PON2: variants seen among roughly 807,000 people sequenced by gnomAD.
PON2 encodes the protein serum paraoxonase/arylesterase 2.
PON2 carries 27 observed loss-of-function variants against 36.6 expected under a neutral mutation model. The ratio of observed to expected loss-of-function variants is 0.74; its 90% confidence interval spans 0.54 to 1.02. The LOEUF is 1.02. Ranked by LOEUF, PON2 falls within the 50% of genes least tolerant of loss-of-function variation. The pLI is 0.00. For synonymous variants in PON2, 149 were observed against 156.3 expected (o/e 0.95, Z 0.35); for missense variants, 363 against 421.1 (o/e 0.86, Z 1.21).
intron 8 of PON2, 71 bp from the exon 9 acceptor site, chr7:95,405,559 T>G: frequency 1.4e-6 from 2 of 1,437,854 alleles, no homozygotes; most frequent in Non-Finnish European, 2.0e-6. Flanking sequence ...CAATAAGCCC[T>G]GTTTTCCACA....
chr7:95,427,958 ACT>A (rs1789353906), intron 1 of PON2, among the ~76,000 whole-genome samples: 1 of 152,170 alleles, frequency 6.6e-6, no homozygotes, highest in African/African-American at 2.4e-5. Context: ...GAGGAGGAAC[ACT>A]CTTTACTTTT....
intron 4 of PON2, 82 bp downstream of exon 4, chr7:95,412,230 G>C: frequency 6.5e-7 from 1 of 1,544,670 alleles, no homozygotes. Flanking sequence ...TCTCTTCCTA[G>C]AAATATGATC....
At chr7:95,412,828 C>A (rs1404718755) in intron 3 of PON2, 3 of 354,114 alleles carry the variant, frequency 8.5e-6, no homozygotes, top group African/African-American at 2.1e-5. Context: ...GGAACAGTGC[C>A]TGGCATACAG....
chr7:95,415,753 A>G (rs752641975), intron 3 of PON2: 1 of 177,442 alleles, frequency 5.6e-6, no homozygotes, highest in Non-Finnish European at 1.2e-5. Context: ...GGTGTTTGAG[A>G]CCAGCCTGGC....
intron 3 of PON2, among the ~76,000 whole-genome samples, chr7:95,414,747 C>T (rs1216221517): frequency 6.6e-6 from 1 of 152,136 alleles, no homozygotes; most frequent in Non-Finnish European, 1.5e-5. Flanking sequence ...TTTCCTAAGC[C>T]ACACATGTGC....
intron 1 of PON2, among the ~76,000 whole-genome samples, chr7:95,430,114 C>T (rs1789403021): frequency 6.6e-6 from 1 of 152,048 alleles, no homozygotes; most frequent in Non-Finnish European, 1.5e-5. Context: ...TGGATGAAGG[C>T]ATAAAAGTAA....
intron 7 of PON2, among the ~76,000 whole-genome samples, 162 bp downstream of exon 7, chr7:95,406,825 C>G (rs563946433): frequency 2.6e-5 from 4 of 152,110 alleles, no homozygotes; most frequent in African/African-American, 7.2e-5. Context: ...TTCTTGAGAT[C>G]GCTGGAAACA....
intron 1 of PON2, among the ~76,000 whole-genome samples, chr7:95,427,911 A>G (rs895144921): frequency 6.6e-6 from 1 of 152,210 alleles, no homozygotes; most frequent in Non-Finnish European, 1.5e-5. Context: ...AAAAAATACA[A>G]CATAAATGGT....
chr7:95,426,786 G>A (rs1309782203), intron 1 of PON2, among the ~76,000 whole-genome samples: 1 of 152,192 alleles, frequency 6.6e-6, no homozygotes, highest in Non-Finnish European at 1.5e-5. Context: ...TGTACACCAA[G>A]TTTTAGTATC....
chr7:95,432,337 G>A (rs1789462077), intron 1 of PON2, among the ~76,000 whole-genome samples: 1 of 152,156 alleles, frequency 6.6e-6, no homozygotes, highest in Admixed American at 6.5e-5. Flanking sequence ...TTGTGCCTAG[G>A]TGTTTGAGAT....
At chr7:95,406,334 T>A in intron 7 of PON2, 87 bp from the exon 8 acceptor site, 1 of 1,415,208 alleles carries the variant, frequency 7.1e-7, no homozygotes, top group Admixed American at 1.7e-5. Flanking sequence ...TCTATGCATG[T>A]GAGGAAATTA....
At chr7:95,432,026 T>C (rs576584122) in intron 1 of PON2, among the ~76,000 whole-genome samples, 5 of 152,236 alleles carry the variant, frequency 3.3e-5, no homozygotes, top group Admixed American at 1.3e-4. Flanking sequence ...GTCAGCCCAT[T>C]TGGGGCTCCA....
intron 8 of PON2, 121 bp downstream of exon 8, chr7:95,405,998 C>T: frequency 8.4e-7 from 1 of 1,187,320 alleles, no homozygotes; most frequent in Non-Finnish European, 1.2e-6. Context: ...AAAACCACGA[C>T]ATAAGCTTAT....
At position 95,411,796 on chromosome 7, in the gene PON2, A is replaced by G. The variant is rs117636342; in HGVS notation, c.368-17T>C. 123 of 1,612,772 alleles carry G rather than the reference A, an allele frequency of 7.6e-5. No homozygotes were observed. In the East Asian group the frequency reaches 2.7e-3, roughly 36 times the overall value. On this transcript the variant is annotated splice_polypyrimidine_tract_variant and intron_variant, in intron 4 of 8. Transcript: ENST00000222572. Reference sequence around the variant, plus strand: ...CTGTGTCATCTAAAGAATTGAAAGAACAGAGTTAATTTACAAGACATAACT... The same window carrying G: ...CTGTGTCATCTAAAGAATTGAAAGAGCAGAGTTAATTTACAAGACATAACT...
intron 6 of PON2, among the ~76,000 whole-genome samples, chr7:95,409,351 T>G (rs1809801716): frequency 1.3e-5 from 2 of 151,834 alleles, no homozygotes; most frequent in Non-Finnish European, 2.9e-5. Context: ...CCTAGGGACT[T>G]TTTCTTTAAA....
chr7:95,413,957 T>A (rs62469578), intron 3 of PON2, among the ~76,000 whole-genome samples: 7,904 of 152,316 alleles, frequency 0.052, 234 homozygotes, highest in African/African-American at 0.065. Flanking sequence ...ATGATTTACA[T>A]GCAAAGGAAG....
chr7:95,424,654 A>G (rs1302591676), intron 1 of PON2, 69 bp from the exon 2 acceptor site: 1 of 1,261,850 alleles, frequency 7.9e-7, no homozygotes, highest in African/African-American at 1.5e-5. Flanking sequence ...TTGTTTTAGA[A>G]AGGGTTTAAA....
chr7:95,405,795 T>C (rs1809668959), intron 8 of PON2, among the ~76,000 whole-genome samples: 1 of 152,154 alleles, frequency 6.6e-6, no homozygotes, highest in African/African-American at 2.4e-5. Context: ...TGAACAAATA[T>C]CACATCATGT....
intron 8 of PON2, 126 bp downstream of exon 8, chr7:95,405,993 C>T: frequency 8.8e-7 from 1 of 1,136,180 alleles, no homozygotes. Flanking sequence ...ATTACAAAAC[C>T]ACGACATAAG....
Sources: allele counts gnomAD v4.1 joint callset (sites outside exome capture counted in the v4.1 genomes callset), GRCh38; gene constraint gnomAD v4.1.1; transcripts MANE v1.5; gene names NCBI Gene and HGNC (gene_info 2026-07-23, HGNC 2026-07-21).